Variants in GOSR2 observed in about 807,000 individuals in gnomAD.
The protein encoded by GOSR2 is 27 kDa Golgi SNARE protein.
A neutral mutation model predicts 27.9 loss-of-function variants in GOSR2; 20 were observed. The observed-to-expected ratio is 0.72, with a 90% CI of 0.50 to 1.04. The LOEUF is 1.04. GOSR2 is among the 50% of genes least tolerant of loss of function. GOSR2 has a pLI of 0.00. For synonymous variants in GOSR2, 91 were observed against 98.8 expected, an observed-to-expected ratio of 0.92 and a Z score of 0.47; for missense variants, 261 against 270.5, an observed-to-expected ratio of 0.97 and a Z score of 0.25.
Position 46,974,491 on chromosome 17 carries a change from T to C in GOSR2, c.616-708T>C, listed in dbSNP as rs532771039. Among the ~76,000 whole-genome samples, 19 of 152,134 alleles carry C rather than the reference T, an allele frequency of 1.2e-4. No homozygotes were observed. The East Asian group carries it at 3.7e-3, about 29-fold the overall frequency. On this transcript the variant is annotated intron_variant, in intron 6 of 6. Coordinates refer to the GOSR2 transcript ENST00000640723. ...GGCTCACGCCTGTAATCCCAGCACT[T>C]TGGGAGGCCGAGGCGGGTGGATCAC...
At chr17:46,971,382 C>G (rs2091391358), downstream of GOSR2, among the ~76,000 whole-genome samples, 1 of 152,042 alleles carries the variant, frequency 6.6e-6, no homozygotes, top group Non-Finnish European at 1.5e-5. Flanking sequence ...ATAATAAGGA[C>G]ACACTCCATG....
intron 6 of GOSR2, among the ~76,000 whole-genome samples, chr17:46,966,225 A>AGTT (rs1428771480): frequency 1.3e-5 from 2 of 152,242 alleles, no homozygotes; most frequent in African/African-American, 4.8e-5. Flanking sequence ...AGAAAAATCA[A>AGTT]GGCATGGCTT....
chr17:46,934,726 G>A (rs143629660), intron 4 of GOSR2, among the ~76,000 whole-genome samples: 41 of 152,332 alleles, frequency 2.7e-4, no homozygotes, highest in African/African-American at 9.6e-4. Flanking sequence ...ACCCAATGAG[G>A]TCTTGAAGGA....
intron 6 of GOSR2, among the ~76,000 whole-genome samples, chr17:46,959,040 T>C (rs1250094374): frequency 2.6e-5 from 4 of 152,210 alleles, no homozygotes; most frequent in Admixed American, 1.3e-4. Flanking sequence ...GATAGCTGCA[T>C]GCAAGGCTGT....
rs2087306484 is a variant in GOSR2 at position 46,931,122 on chromosome 17, A to G, written c.118A>G (p.Ser40Gly). The G allele has an allele frequency of 3.7e-6, 6 of 1,605,650 alleles. No homozygotes were observed. Among genetic ancestry groups the G allele is most frequent in the Non-Finnish European group, 5.1e-6 (6 of 1,172,542 alleles). Residue 40 changes from serine (S) to glycine (G), a missense_variant, in exon 3 of 6, where the codon AGC (serine) becomes GGC (glycine). Coordinates refer to ENST00000640051, the MANE Select transcript of GOSR2 (RefSeq NM_004287.5). ...AGTAGTAGAAAACGAAATCCAAGCA[A>G]GCATAGACCAGATATTCAGCCGTCT... ...VHIVENEIQA[S>G]IDQIFSRLER...
rs372213102 is a variant in GOSR2, at chr17:46,953,660, G to A, written c.584-12874G>A. Among the ~76,000 whole-genome samples, 8 of 152,134 alleles carry A rather than the reference G, an allele frequency of 5.3e-5. No homozygotes were observed. The East Asian group carries it at 7.7e-4, about 15-fold the overall frequency. On this transcript the variant is annotated intron_variant, in intron 6 of 6. Transcript: ENST00000573224. Reference sequence around the variant, plus strand: ...AATGGTTGAACTAGTTTACAGTCCCGCCAACAGTGTAAAAGTGTTCCTATT... The same window carrying A: ...AATGGTTGAACTAGTTTACAGTCCCACCAACAGTGTAAAAGTGTTCCTATT...
At chr17:46,975,184 G>A (rs567136554) in intron 6 of GOSR2, 44 of 152,096 alleles carry the variant, frequency 2.9e-4, no homozygotes, top group African/African-American at 1.0e-3. Flanking sequence ...GTCCCCTATC[G>A]CTCCTATTTT....
chr17:46,955,225 AG>A (rs1437145387), intron 6 of GOSR2, among the ~76,000 whole-genome samples: 1 of 151,904 alleles, frequency 6.6e-6, no homozygotes, highest in South Asian at 2.1e-4. Context: ...TTTAGCATGA[AG>A]GGTTGTTGAA....
At chr17:46,950,066 T>C (rs1315831530) in intron 6 of GOSR2, among the ~76,000 whole-genome samples, 1 of 152,236 alleles carries the variant, frequency 6.6e-6, no homozygotes, top group African/African-American at 2.4e-5. Flanking sequence ...CCGTGGGGCC[T>C]CCTGGAGGGA....
downstream of GOSR2, among the ~76,000 whole-genome samples, chr17:46,943,999 G>A (rs952094399): frequency 6.6e-5 from 10 of 152,174 alleles, no homozygotes; most frequent in Non-Finnish European, 1.5e-5. Context: ...GCTGACTCCT[G>A]GCTTAGCAAT....
chr17:46,973,829 C>T (rs2091418544), intron 6 of GOSR2, among the ~76,000 whole-genome samples: 1 of 152,180 alleles, frequency 6.6e-6, no homozygotes, highest in Admixed American at 6.5e-5. Context: ...CACATGTGTA[C>T]ACGTATACCT....
intron 6 of GOSR2, among the ~76,000 whole-genome samples, chr17:46,953,992 T>C (rs1568206692): frequency 6.6e-6 from 1 of 152,248 alleles, no homozygotes; most frequent in South Asian, 2.1e-4. Flanking sequence ...GGTTGCCTGT[T>C]CACGCTGATG....
At chr17:46,970,327 G>A (rs941139276), downstream of GOSR2, among the ~76,000 whole-genome samples, 1 of 152,042 alleles carries the variant, frequency 6.6e-6, no homozygotes, top group Non-Finnish European at 1.5e-5. Context: ...GATCACCTGA[G>A]GTCAGGAGTT....
intron 6 of GOSR2, chr17:46,949,402 C>A (rs1187181899): frequency 6.6e-6 from 1 of 152,096 alleles, no homozygotes; most frequent in Non-Finnish European, 1.5e-5. Flanking sequence ...TATGACCAAG[C>A]CTCGGAAGTC....
chr17:46,933,767 A>C (rs1304282981), intron 4 of GOSR2: 1 of 151,952 alleles, frequency 6.6e-6, no homozygotes, highest in African/African-American at 2.4e-5. Context: ...GGAGTTCACC[A>C]TCCTGGGTGA....
At chr17:46,943,956 T>TG (rs1262173445), downstream of GOSR2, among the ~76,000 whole-genome samples, 1 of 152,044 alleles carries the variant, frequency 6.6e-6, no homozygotes, top group African/African-American at 2.4e-5. Flanking sequence ...GCGTGACTAA[T>TG]GCAGGGTATC....
chr17:46,923,821 C>T (rs2086077886), intron 1 of GOSR2: 2 of 399,974 alleles, frequency 5.0e-6, no homozygotes, highest in Non-Finnish European at 4.4e-6. Flanking sequence ...TGGTAGTGTC[C>T]TTTATTCGCA....
intron 4 of GOSR2, among the ~76,000 whole-genome samples, chr17:46,934,056 AG>A (rs1331002758): frequency 6.6e-6 from 1 of 152,178 alleles, no homozygotes; most frequent in Non-Finnish European, 1.5e-5. Context: ...TCCTGCCTAT[AG>A]TCCACTTTCA....
At position 46,941,080 on chromosome 17, in the gene GOSR2, T is replaced by C. The variant is rs2089215501; in HGVS notation, c.*2320T>C. The C allele has an allele frequency of 9.4e-7, 1 of 1,064,556 alleles. No individual in the cohort carries two copies. The highest frequency in any genetic ancestry group is 1.6e-5 in the African/African-American group (1 of 60,812). The allele number at this position is 1,064,556 out of a possible 1,614,324, so 65.9% of individuals were successfully genotyped here. On this transcript the variant is annotated 3_prime_UTR_variant, in exon 6 of 6. Coordinates refer to ENST00000640051, the MANE Select transcript of GOSR2 (RefSeq NM_004287.5). ...TAGCCAGCCTCTGTGACCTTGTACA[T>C]GAGTTTGGTGTGCCTATTGTGATTT...
Sources: allele counts gnomAD v4.1 joint callset (sites outside exome capture counted in the v4.1 genomes callset), GRCh38; gene constraint gnomAD v4.1.1; transcripts MANE v1.5; gene names NCBI Gene and HGNC (gene_info 2026-07-23, HGNC 2026-07-21).